DNTT: variants seen among roughly 807,000 people sequenced by gnomAD.
DNTT encodes nucleosidetriphosphate:DNA deoxynucleotidylexotransferase.
In DNTT, 47 loss-of-function variants were observed where a neutral mutation model predicts 60.9. The observed-to-expected ratio is 0.77, with a 90% CI of 0.61 to 0.98. The LOEUF is 0.98. DNTT is among the 50% of genes least tolerant of loss of function. The pLI is 0.00. For synonymous variants in DNTT, 224 were observed against 221.2 expected (o/e 1.01, Z -0.11); for missense variants, 665 against 627.5 (o/e 1.06, Z -0.64).
At chr10:96,318,206 A>T in intron 1 of DNTT, 146 bp from the exon 2 acceptor site, 2 of 835,066 alleles carry the variant, frequency 2.4e-6, no homozygotes, top group South Asian at 3.9e-5. Context: ...ATTCCCTTGC[A>T]TGGAGGCCTA....
At chr10:96,310,381 T>G (rs1372943560) in intron 1 of DNTT, among the ~76,000 whole-genome samples, 1 of 152,186 alleles carries the variant, frequency 6.6e-6, no homozygotes, top group East Asian at 1.9e-4. Flanking sequence ...AAACAGAACA[T>G]CAGTCGAAGG....
chr10:96,333,081 C>G (rs757342296), intron 9 of DNTT, among the ~76,000 whole-genome samples: 4 of 152,156 alleles, frequency 2.6e-5, no homozygotes, highest in Non-Finnish European at 4.4e-5. Flanking sequence ...ACATAAGGGC[C>G]ATTATCCAGC....
intron 1 of DNTT, among the ~76,000 whole-genome samples, chr10:96,309,551 G>C (rs1178361225): frequency 6.6e-6 from 1 of 151,632 alleles, no homozygotes; most frequent in Non-Finnish European, 1.5e-5. Flanking sequence ...ATCTAAACTG[G>C]CTGCTTGCCC....
chr10:96,312,894 A>G lies in DNTT; in HGVS notation c.204-5458A>G, dbSNP rs534257323. 8.5e-5 allele frequency among the ~76,000 whole-genome samples: 13 copies of G among 152,266 alleles called. 1 individual carries two copies. In the South Asian group the frequency reaches 2.7e-3, roughly 32 times the overall value. On this transcript the variant is annotated intron_variant, in intron 1 of 10. Transcript: ENST00000371174. ...GACATTCCTTTAGAGCTATTCATTCATTCATTCATCTATCCAGTCTACCGT... is the reference window on the plus strand; with the variant it reads ...GACATTCCTTTAGAGCTATTCATTCGTTCATTCATCTATCCAGTCTACCGT...
intron 1 of DNTT, among the ~76,000 whole-genome samples, chr10:96,307,701 GTGTGTATATATA>G (rs146554848): frequency 0.028 from 2,384 of 85,012 alleles, 68 homozygotes; most frequent in African/African-American, 0.066. Context: ...GTGTGTGTGT[GTGTGTATATATA>G]TATATATATA....
intron 1 of DNTT, among the ~76,000 whole-genome samples, chr10:96,312,191 A>G (rs1844727943): frequency 6.6e-6 from 1 of 152,332 alleles, no homozygotes; most frequent in East Asian, 1.9e-4. Context: ...GTGGGAGTCA[A>G]ATCTAGGCTG....
At chr10:96,325,758 A>G (rs17111682) in intron 6 of DNTT, among the ~76,000 whole-genome samples, 3,822 of 152,334 alleles carry the variant, frequency 0.025, 155 homozygotes, top group African/African-American at 0.087. Flanking sequence ...TTGGAGCAGC[A>G]CTACAATGAA....
At chr10:96,311,021 G>A (rs1589369179) in intron 1 of DNTT, among the ~76,000 whole-genome samples, 3 of 152,070 alleles carry the variant, frequency 2.0e-5, no homozygotes, top group Admixed American at 2.0e-4. Flanking sequence ...CCCATTTAAG[G>A]TGGGCCAAAA....
At chr10:96,336,627 G>A (rs1314327464) in intron 10 of DNTT, among the ~76,000 whole-genome samples, 5 of 152,120 alleles carry the variant, frequency 3.3e-5, no homozygotes, top group African/African-American at 1.2e-4. Context: ...TAGGCTCCAT[G>A]GGGAAGAAAA....
At chr10:96,314,903 T>C (rs1844770054) in intron 1 of DNTT, among the ~76,000 whole-genome samples, 1 of 152,188 alleles carries the variant, frequency 6.6e-6, no homozygotes, top group Non-Finnish European at 1.5e-5. Context: ...GACAAACAGC[T>C]GCCACAAGAT....
chr10:96,322,630 T>G, intron 4 of DNTT, 27 bp from the exon 5 acceptor site: 1 of 1,560,996 alleles, frequency 6.4e-7, no homozygotes, highest in East Asian at 2.3e-5. Context: ...CATCACTAAT[T>G]TAAAATATTT....
At chr10:96,329,943 T>A (rs1212771028) in intron 8 of DNTT, among the ~76,000 whole-genome samples, 1 of 152,056 alleles carries the variant, frequency 6.6e-6, no homozygotes, top group East Asian at 1.9e-4. Flanking sequence ...CTGGGGAGGA[T>A]GGGAAGGATG....
chr10:96,326,136 C>T (rs1844936644), intron 6 of DNTT, among the ~76,000 whole-genome samples: 1 of 152,192 alleles, frequency 6.6e-6, no homozygotes, highest in African/African-American at 2.4e-5. Context: ...TGAATCCTGA[C>T]TTTTGGATCG....
chr10:96,327,009 G>T (rs1844944710), intron 6 of DNTT, among the ~76,000 whole-genome samples: 1 of 152,182 alleles, frequency 6.6e-6, no homozygotes, highest in Admixed American at 6.5e-5. Flanking sequence ...AACCACCTAA[G>T]ATATTTCCTG....
chr10:96,323,370 T>G (rs1327270885), intron 5 of DNTT, among the ~76,000 whole-genome samples: 1 of 152,134 alleles, frequency 6.6e-6, no homozygotes, highest in East Asian at 1.9e-4. Flanking sequence ...GGCCCTGTCT[T>G]AAATACGGTC....
Position 96,304,468 on chromosome 10 carries a change from G to A in DNTT, c.-30G>A, listed in dbSNP as rs780347987. 2 of 1,612,066 alleles carry A rather than the reference G, an allele frequency of 1.2e-6. No individual in the cohort carries two copies. Among genetic ancestry groups the A allele is most frequent in the Admixed American group, 1.7e-5 (1 of 60,016 alleles). ...CCCTTCTGGAGACACCACCAGATGG[G>A]CCAGCCAGAGGCAGCAGCAGCCTCT... On this transcript the variant is annotated 5_prime_UTR_variant, in exon 1 of 11. Transcript: ENST00000371174.
intron 9 of DNTT, among the ~76,000 whole-genome samples, chr10:96,335,049 C>T (rs1845050666): frequency 6.6e-6 from 1 of 152,212 alleles, no homozygotes; most frequent in African/African-American, 2.4e-5. Context: ...CCTCAACCAT[C>T]CCGGGTGAGC....
At chr10:96,326,591 G>T (rs977013128) in intron 6 of DNTT, among the ~76,000 whole-genome samples, 4 of 152,102 alleles carry the variant, frequency 2.6e-5, no homozygotes, top group African/African-American at 9.7e-5. Flanking sequence ...CATTTCAGAG[G>T]GCCAGTGGCA....
At chr10:96,331,334 C>A (rs117494482) in intron 8 of DNTT, among the ~76,000 whole-genome samples, 1 of 152,304 alleles carries the variant, frequency 6.6e-6, no homozygotes, top group East Asian at 1.9e-4. Flanking sequence ...TAAAGGAACA[C>A]CTGAGGCTGG....
Sources: gnomAD v4.1 joint callset for allele counts (sites outside exome capture counted in the v4.1 genomes callset) on GRCh38, gnomAD v4.1.1 for gene constraint, MANE v1.5 for transcripts, NCBI Gene and HGNC (gene_info 2026-07-23, HGNC 2026-07-21) for gene names.